HLTF: variants seen among roughly 807,000 people sequenced by gnomAD.
The protein encoded by HLTF is DNA-dependent ATPase/E3 ubiquitin-protein ligase HLTF.
In HLTF, 127 loss-of-function variants were observed where a neutral mutation model predicts 129.4. The ratio of observed to expected loss-of-function variants is 0.98; its 90% CI spans 0.85 to 1.14. The LOEUF (loss-of-function observed/expected upper bound fraction) is 1.14. Ranked by LOEUF, HLTF falls within the 50% of genes most tolerant of loss-of-function variation. The probability of loss-of-function intolerance (pLI) is 0.00; values close to 1 mark genes in which losing one functional copy is unlikely to be tolerated. For synonymous variants in HLTF, 332 were observed against 388.8 expected, an observed-to-expected ratio of 0.85 and a Z score of 1.72; for missense variants, 1,139 against 1,187.1, an observed-to-expected ratio of 0.96 and a Z score of 0.60.
intron 14 of HLTF, among the ~76,000 whole-genome samples, chr3:149,053,170 G>T (rs1717141911): frequency 6.6e-6 from 1 of 152,208 alleles, no homozygotes; most frequent in African/African-American, 2.4e-5. Flanking sequence ...ATCTTGTTCA[G>T]ATTGTGAAAT....
chr3:149,068,801 A>G (rs1264349902), intron 7 of HLTF, among the ~76,000 whole-genome samples: 1 of 152,186 alleles, frequency 6.6e-6, no homozygotes, highest in Non-Finnish European at 1.5e-5. Context: ...TTTCTTATGC[A>G]TTTTTCTTAA....
At chr3:149,045,985 C>T (rs2107978394) in intron 18 of HLTF, 95 bp downstream of exon 18, 3 of 867,478 alleles carry the variant, frequency 3.5e-6, no homozygotes, top group South Asian at 1.7e-5. Context: ...CAGTATACTT[C>T]AAACTATTGC....
rs1161329502 is a variant in HLTF, at chr3:149,032,155, C to T, written c.*65G>A. 8.1e-7 allele frequency: 1 copy of T among 1,231,224 alleles called. No individual in the cohort carries two copies. The highest frequency in any genetic ancestry group is 1.1e-6 in the Non-Finnish European group (1 of 897,916). 76.3% of individuals were successfully genotyped at this position (1,231,224 alleles called of 1,614,324 possible). On this transcript the variant is annotated 3_prime_UTR_variant, in exon 25 of 25. Transcript: ENST00000310053. ...TTCTCTAGATCTCATTTCTAAAACT[C>T]TGTATTTTTCTCATTTCTAAAACTT...
At position 149,086,424 on chromosome 3, in the gene HLTF, G is replaced by A; in HGVS notation, c.-88C>T. ...GATACGCCTCCTTCCAGGCCCCGCAGCCCTGAAGCCGGGGACAAATTCCGA... is the reference window on the plus strand; with the variant it reads ...GATACGCCTCCTTCCAGGCCCCGCAACCCTGAAGCCGGGGACAAATTCCGA... On this transcript the variant is annotated 5_prime_UTR_variant, in exon 1 of 25. Coordinates refer to ENST00000310053, the MANE Select transcript of HLTF (RefSeq NM_003071.4). The A allele has an allele frequency of 1.4e-6, 2 of 1,458,780 alleles. No homozygotes were observed. Among genetic ancestry groups the A allele is most frequent in the Non-Finnish European group, 1.9e-6 (2 of 1,067,920 alleles). The allele number at this position is 1,458,780 out of a possible 1,614,324, so 90.4% of individuals were successfully genotyped here.
At chr3:149,063,035 A>C (rs1423671690) in intron 10 of HLTF, 2 of 455,974 alleles carry the variant, frequency 4.4e-6, no homozygotes, top group Non-Finnish European at 8.8e-6. Flanking sequence ...AACAAATATA[A>C]GGGTCATGGT....
intron 2 of HLTF, among the ~76,000 whole-genome samples, chr3:149,082,086 G>T (rs947212116): frequency 6.6e-6 from 1 of 152,112 alleles, no homozygotes; most frequent in Non-Finnish European, 1.5e-5. Context: ...AGTGAAAAAC[G>T]CCAGACTTAA....
At chr3:149,080,242 A>G (rs1444035889) in intron 2 of HLTF, among the ~76,000 whole-genome samples, 2 of 152,150 alleles carry the variant, frequency 1.3e-5, no homozygotes, top group Non-Finnish European at 2.9e-5. Context: ...TTTTTGGAGT[A>G]ATGAAAATGT....
intron 3 of HLTF, 29 bp downstream of exon 3, chr3:149,075,852 A>G (rs763482062): frequency 6.5e-7 from 1 of 1,527,826 alleles, no homozygotes; most frequent in Non-Finnish European, 8.9e-7. Context: ...ATTCACAATT[A>G]TTAAAACTAA....
chr3:149,035,688 G>GT (rs1715540841), intron 23 of HLTF, among the ~76,000 whole-genome samples: 1 of 144,044 alleles, frequency 6.9e-6, no homozygotes, highest in Non-Finnish European at 1.5e-5. Context: ...AAAAAAGGGG[G>GT]TTTTAAGAGT....
intron 18 of HLTF, among the ~76,000 whole-genome samples, chr3:149,043,096 CA>C (rs202075733): frequency 1.6e-3 from 212 of 135,838 alleles, no homozygotes; most frequent in East Asian, 3.6e-3. Flanking sequence ...ACAATTCCTC[CA>C]AAAAAAAAAA....
At chr3:149,035,520 A>G (rs1000798898) in intron 23 of HLTF, among the ~76,000 whole-genome samples, 5 of 151,494 alleles carry the variant, frequency 3.3e-5, no homozygotes, top group Non-Finnish European at 7.4e-5. Context: ...TAGCCGGGAG[A>G]GGTGGCGGGC....
At chr3:149,046,339 T>C in intron 17 of HLTF, 80 bp from the exon 18 acceptor site, 1 of 798,066 alleles carries the variant, frequency 1.3e-6, no homozygotes, top group Non-Finnish European at 1.9e-6. Context: ...CAGAACATTT[T>C]AATTTGTTAC....
At chr3:149,049,393 T>C (rs1716805520) in intron 15 of HLTF, among the ~76,000 whole-genome samples, 1 of 152,204 alleles carries the variant, frequency 6.6e-6, no homozygotes, top group Non-Finnish European at 1.5e-5. Context: ...GAATTCAACA[T>C]TACTTTCTTT....
intron 2 of HLTF, among the ~76,000 whole-genome samples, chr3:149,079,703 C>T (rs1719713695): frequency 1.3e-5 from 2 of 152,268 alleles, no homozygotes; most frequent in South Asian, 4.1e-4. Flanking sequence ...TGCGATTCTC[C>T]TGCCTCAGCC....
At chr3:149,064,696 A>T in intron 9 of HLTF, 95 bp downstream of exon 9, 1 of 813,154 alleles carries the variant, frequency 1.2e-6, no homozygotes, top group Admixed American at 1.9e-5. Context: ...TAGAATTACA[A>T]TATTAGGCTG....
At chr3:149,041,901 T>C (rs968448814) in intron 19 of HLTF, 11 of 576,744 alleles carry the variant, frequency 1.9e-5, no homozygotes, top group Admixed American at 6.2e-5. Context: ...GACAATAACA[T>C]ACCACCACAC....
intron 24 of HLTF, 98 bp downstream of exon 24, chr3:149,034,820 A>G: frequency 1.2e-6 from 1 of 808,706 alleles, no homozygotes; most frequent in Admixed American, 2.1e-5. Context: ...TTTGCTCTGC[A>G]TAATTACACT....
intron 13 of HLTF, among the ~76,000 whole-genome samples, chr3:149,058,762 C>G (rs1717682255): frequency 6.6e-6 from 1 of 152,166 alleles, no homozygotes; most frequent in Non-Finnish European, 1.5e-5. Context: ...TTCTGCTTCT[C>G]TTTCAAAGAT....
intron 7 of HLTF, among the ~76,000 whole-genome samples, chr3:149,069,171 T>C (rs956664877): frequency 6.6e-6 from 1 of 152,120 alleles, no homozygotes; most frequent in African/African-American, 2.4e-5. Context: ...AAAAAAAAGT[T>C]TTCCTTAAGA....
Sources: allele counts gnomAD v4.1 joint callset (sites outside exome capture counted in the v4.1 genomes callset), GRCh38; gene constraint gnomAD v4.1.1; transcripts MANE v1.5; gene names NCBI Gene and HGNC (gene_info 2026-07-23, HGNC 2026-07-21).